The following FAM168A variants were observed in gnomAD, a reference collection of about 807,000 sequenced individuals.
FAM168A encodes protein FAM168A.
Under a neutral mutation model 28.5 loss-of-function variants are expected in FAM168A, and 3 were observed. That is an observed-to-expected ratio of 0.11 (90% CI 0.05 to 0.27). The LOEUF (loss-of-function observed/expected upper bound fraction) is 0.27. Ranked by LOEUF, FAM168A falls within the 10% of genes least tolerant of loss-of-function variation. The probability of loss-of-function intolerance (pLI) is 1.00; values close to 1 mark genes in which losing one functional copy is unlikely to be tolerated. For missense variants in FAM168A, 222 were observed against 311.5 expected, an observed-to-expected ratio of 0.71 and a Z score of 2.16; for synonymous variants, 122 against 124.2, an observed-to-expected ratio of 0.98 and a Z score of 0.12.
At chr11:73,413,874 T>G (rs1346304526) in intron 4 of FAM168A, among the ~76,000 whole-genome samples, 1 of 152,136 alleles carries the variant, frequency 6.6e-6, no homozygotes, top group African/African-American at 2.4e-5. Context: ...AACACCAGCC[T>G]GGGTAACACA....
At chr11:73,567,202 A>G (rs1208941628) in intron 1 of FAM168A, among the ~76,000 whole-genome samples, 3 of 152,198 alleles carry the variant, frequency 2.0e-5, no homozygotes, top group Non-Finnish European at 4.4e-5. Context: ...TTAAGGTGAT[A>G]GTATCTATAC....
At chr11:73,577,399 T>C (rs937417598) in intron 1 of FAM168A, among the ~76,000 whole-genome samples, 1 of 152,208 alleles carries the variant, frequency 6.6e-6, no homozygotes, top group Non-Finnish European at 1.5e-5. Context: ...TCACAAATTA[T>C]TTATCTGTTG....
intron 1 of FAM168A, among the ~76,000 whole-genome samples, chr11:73,540,712 T>C (rs191698043): frequency 6.6e-6 from 1 of 152,322 alleles, no homozygotes; most frequent in Admixed American, 6.5e-5. Flanking sequence ...TCCCAACATA[T>C]GGTGTTTCCT....
At chr11:73,540,322 C>T (rs990094748) in intron 1 of FAM168A, among the ~76,000 whole-genome samples, 3 of 152,138 alleles carry the variant, frequency 2.0e-5, no homozygotes, top group African/African-American at 7.2e-5. Flanking sequence ...CATACATTCT[C>T]TCGTTCAATT....
chr11:73,540,204 GA>G (rs1367963460), intron 1 of FAM168A, among the ~76,000 whole-genome samples: 1 of 151,948 alleles, frequency 6.6e-6, no homozygotes, highest in Non-Finnish European at 1.5e-5. Context: ...AAAAAACAAA[GA>G]AAAACAAATT....
At chr11:73,583,148 C>T (rs1278118098) in intron 1 of FAM168A, among the ~76,000 whole-genome samples, 2 of 152,018 alleles carry the variant, frequency 1.3e-5, no homozygotes, top group Admixed American at 1.3e-4. Flanking sequence ...ACTAAAAATA[C>T]AAAAATTAGT....
intron 2 of FAM168A, among the ~76,000 whole-genome samples, chr11:73,436,496 A>G (rs1158488798): frequency 9.5e-6 from 1 of 105,656 alleles, no homozygotes; most frequent in East Asian, 2.7e-4. Context: ...ATGACCCCCT[A>G]GGGTGATCAA....
intron 1 of FAM168A, among the ~76,000 whole-genome samples, chr11:73,480,328 A>C (rs1867950040): frequency 6.6e-6 from 1 of 152,176 alleles, no homozygotes; most frequent in African/African-American, 2.4e-5. Context: ...CTTTTTAGCT[A>C]ATCAAAACCA....
chr11:73,579,572 GA>G (rs1944220044), intron 1 of FAM168A, among the ~76,000 whole-genome samples: 1 of 152,132 alleles, frequency 6.6e-6, no homozygotes. Context: ...ATAAATAACA[GA>G]ATTCCCCCCA....
At chr11:73,580,242 T>A in intron 1 of FAM168A, 1 of 532,276 alleles carries the variant, frequency 1.9e-6, no homozygotes, top group Non-Finnish European at 3.7e-6. Context: ...GCCGTCACTG[T>A]CGCCGCCACC....
At chr11:73,412,238 C>T (rs1378036146) in intron 4 of FAM168A, 1 of 152,338 alleles carries the variant, frequency 6.6e-6, no homozygotes, top group Non-Finnish European at 1.5e-5. Flanking sequence ...AAAAACTTTG[C>T]TCTGCAGAGT....
chr11:73,539,477 C>T (rs1943626827), intron 1 of FAM168A, among the ~76,000 whole-genome samples: 5 of 152,012 alleles, frequency 3.3e-5, no homozygotes, highest in Admixed American at 3.3e-4. Context: ...TACTGTGTTA[C>T]CCAGGATGGT....
At chr11:73,501,537 C>T (rs189610763) in intron 1 of FAM168A, among the ~76,000 whole-genome samples, 1 of 152,330 alleles carries the variant, frequency 6.6e-6, no homozygotes, top group Admixed American at 6.5e-5. Context: ...TTAAGAAACT[C>T]GCTCAAAACC....
intron 2 of FAM168A, among the ~76,000 whole-genome samples, chr11:73,442,957 T>G (rs1349644598): frequency 3.2e-5 from 2 of 61,606 alleles, no homozygotes; most frequent in Admixed American, 1.3e-4. Flanking sequence ...ATACAAAGGA[T>G]ATATATATAT....
At chr11:73,529,615 G>A (rs189638859) in intron 1 of FAM168A, among the ~76,000 whole-genome samples, 102 of 152,122 alleles carry the variant, frequency 6.7e-4, no homozygotes, top group Non-Finnish European at 9.4e-4. Flanking sequence ...CACATGACAG[G>A]CACAAGAAAA....
At chr11:73,477,958 T>C (rs1033302968) in intron 1 of FAM168A, among the ~76,000 whole-genome samples, 4 of 149,604 alleles carry the variant, frequency 2.7e-5, no homozygotes, top group Non-Finnish European at 5.9e-5. Context: ...GATAGATAGA[T>C]AGATAGATAG....
chr11:73,575,492 A>G (rs913553760), intron 1 of FAM168A, among the ~76,000 whole-genome samples: 1 of 152,204 alleles, frequency 6.6e-6, no homozygotes, highest in African/African-American at 2.4e-5. Flanking sequence ...AATTAGCTGA[A>G]TCCCTTAATT....
chr11:73,560,096 C>CTCTG (rs1491151809), intron 1 of FAM168A, among the ~76,000 whole-genome samples: 1 of 152,186 alleles, frequency 6.6e-6, no homozygotes, highest in Non-Finnish European at 1.5e-5. Context: ...CAGAGTCTCA[C>CTCTG]TCTGTCTCCC....
chr11:73,496,897 ACACACACACGCACACACACG>A (rs1426532015), intron 1 of FAM168A, among the ~76,000 whole-genome samples: 1 of 150,258 alleles, frequency 6.7e-6, no homozygotes, highest in African/African-American at 2.5e-5. Flanking sequence ...ACACACACAC[ACACACACACGCACACACACG>A]CACACACACA....
Sources: gnomAD v4.1 joint callset for allele counts (sites outside exome capture counted in the v4.1 genomes callset) on GRCh38, gnomAD v4.1.1 for gene constraint, MANE v1.5 for transcripts, NCBI Gene and HGNC (gene_info 2026-07-23, HGNC 2026-07-21) for gene names.